The following KNG1 variants were observed in gnomAD, a reference collection of about 807,000 sequenced individuals.
KNG1 encodes kininogen-1.
KNG1 carries 23 observed loss-of-function variants against 47.8 expected under a neutral mutation model. The observed-to-expected ratio is 0.48, with a 90% CI of 0.35 to 0.68. The LOEUF (loss-of-function observed/expected upper bound fraction) is 0.68, where lower values mean the gene tolerates loss of function less well. Ranked by LOEUF, KNG1 falls within the 30% of genes least tolerant of loss-of-function variation. The probability of loss-of-function intolerance (pLI) is 0.01; values close to 1 mark genes in which losing one functional copy is unlikely to be tolerated. For missense variants in KNG1, 762 were observed against 790.2 expected (o/e 0.96, Z 0.43); for synonymous variants, 277 against 277.0 (o/e 1.00, Z 0.00).
chr3:186,717,481 C>A lies in KNG1; in HGVS notation c.-62C>A. On this transcript the variant is annotated 5_prime_UTR_variant, in exon 1 of 10. Coordinates refer to ENST00000644859, the MANE Select transcript of KNG1 (RefSeq NM_001102416.3). The stretch of plus-strand genomic sequence containing the variant: ...GCTGGAGATTGTCAAATTCAGTATC[C>A]CAGTTGGCTCTTGATTCTTGGTGAA... 1 of 1,199,570 alleles carries A rather than the reference C, an allele frequency of 8.3e-7. No individual in the cohort carries two copies. Among genetic ancestry groups the A allele is most frequent in the Non-Finnish European group, 1.2e-6 (1 of 804,836 alleles). 74.3% of individuals were successfully genotyped at this position (1,199,570 alleles called of 1,614,324 possible).
At chr3:186,736,610 T>A (rs1270103423) in intron 7 of KNG1, 1 of 152,276 alleles carries the variant, frequency 6.6e-6, no homozygotes, top group Non-Finnish European at 1.5e-5. Context: ...ACTTCCAAGA[T>A]CTGTGTGTGC....
intron 7 of KNG1, 120 bp from the exon 8 acceptor site, chr3:186,738,979 A>G (rs1238076707): frequency 3.7e-6 from 3 of 821,036 alleles, no homozygotes; most frequent in Non-Finnish European, 6.1e-6. Flanking sequence ...ACTTTTTTGT[A>G]TGTAACTCTC....
chr3:186,727,242 G>A lies in KNG1; in HGVS notation c.570G>A (p.Val190=), dbSNP rs1720399302. 4 of 1,608,344 alleles carry A rather than the reference G, an allele frequency of 2.5e-6. No individual in the cohort carries two copies. Among genetic ancestry groups the A allele is most frequent in the Non-Finnish European group, 3.4e-6 (4 of 1,174,744 alleles). ...TCAATCTGAAATTGTTTCAGGTGGT[G>A]GCTGGATTGAACTTTCGAATTACCT... The part of the protein sequence containing the change: ...NEVKRAQRQV[V]AGLNFRITYS... The change falls in exon 5 of 10, where the codon GTG becomes GTA. Residue 190 remains valine (V), a synonymous_variant. Coordinates refer to ENST00000644859, the MANE Select transcript of KNG1 (RefSeq NM_001102416.3).
At chr3:186,740,569 T>C (rs1432616562) in intron 9 of KNG1, among the ~76,000 whole-genome samples, 1 of 152,202 alleles carries the variant, frequency 6.6e-6, no homozygotes. Flanking sequence ...AGCAAAAGTG[T>C]AGGTAGAATT....
rs1720856249 is a variant in KNG1 at position 186,743,053 on chromosome 3, A to C, written c.*722A>C. ...ATAAATACTCCCACTGCCCTTTCTG[A>C]GTGAGAGTGTTTCTCATAAGTCAAA... On this transcript the variant is annotated 3_prime_UTR_variant, in exon 10 of 10. Transcript: ENST00000644859. 1.5e-6 allele frequency: 1 copy of C among 652,398 alleles called. No individual in the cohort carries two copies. The highest frequency in any genetic ancestry group is 6.8e-5 in the South Asian group (1 of 14,810). 40.4% of individuals were successfully genotyped at this position (652,398 alleles called of 1,614,324 possible).
intron 6 of KNG1, 142 bp downstream of exon 6, chr3:186,731,771 G>T (rs561948548): frequency 8.2e-5 from 57 of 695,324 alleles, no homozygotes; most frequent in African/African-American, 7.4e-4. Context: ...TGCACCCCTT[G>T]ATGAGAACAC....
chr3:186,737,292 T>G (rs1031058172), intron 7 of KNG1, among the ~76,000 whole-genome samples: 17 of 152,226 alleles, frequency 1.1e-4, no homozygotes, highest in Non-Finnish European at 1.5e-5. Flanking sequence ...CTGAAATACC[T>G]GCTCATGGCT....
At chr3:186,725,341 CTGG>C (rs1720329440) in intron 4 of KNG1, 81 bp downstream of exon 4, 8 of 1,389,554 alleles carry the variant, frequency 5.8e-6, no homozygotes, top group Non-Finnish European at 8.2e-6. Context: ...GATTGCATGG[CTGG>C]TGGTGTTTTC....
In KNG1 at chr3:186,743,922, A is replaced by G; in HGVS notation, c.*1591A>G. 1.4e-6 allele frequency: 1 copy of G among 725,134 alleles called. No homozygotes were observed. The highest frequency in any genetic ancestry group is 2.7e-5 in the East Asian group (1 of 37,086). The allele number at this position is 725,134 out of a possible 1,614,324, so 44.9% of individuals were successfully genotyped here. On this transcript the variant is annotated 3_prime_UTR_variant, in exon 10 of 10. Transcript: ENST00000644859. ...CATTTTATCACTCTGCCTCTGGGTG[A>G]AATAAAGATCAGTCTTGATGTTCTA...
intron 2 of KNG1, chr3:186,720,526 A>C: frequency 3.7e-6 from 1 of 272,644 alleles, no homozygotes; most frequent in Non-Finnish European, 7.2e-6. Context: ...AGAGCTGGCG[A>C]GGGGAGGGGG....
At chr3:186,739,480 C>T in intron 9 of KNG1, 66 bp downstream of exon 9, 1 of 1,085,098 alleles carries the variant, frequency 9.2e-7, no homozygotes, top group Non-Finnish European at 1.4e-6. Flanking sequence ...TATTTGGGGG[C>T]TGAAAATGAA....
At chr3:186,729,074 A>T (rs1720445455) in intron 5 of KNG1, 1 of 152,244 alleles carries the variant, frequency 6.6e-6, no homozygotes, top group Non-Finnish European at 1.5e-5. Flanking sequence ...GAGAGTAAAA[A>T]TACAACCCAC....
intron 7 of KNG1, among the ~76,000 whole-genome samples, chr3:186,738,079 A>G (rs573318748): frequency 1.3e-5 from 2 of 152,148 alleles, no homozygotes; most frequent in Admixed American, 1.3e-4. Flanking sequence ...GGGTTCAGGT[A>G]ACTCCCCTGC....
intron 9 of KNG1, among the ~76,000 whole-genome samples, chr3:186,739,790 G>T (rs911412230): frequency 1.3e-5 from 2 of 152,304 alleles, no homozygotes; most frequent in South Asian, 2.1e-4. Context: ...GGTGGCTCAC[G>T]CCTGTTATCC....
chr3:186,726,367 T>C (rs551949846), intron 4 of KNG1, among the ~76,000 whole-genome samples: 2 of 150,432 alleles, frequency 1.3e-5, no homozygotes, highest in South Asian at 2.1e-4. Flanking sequence ...CTTGGTTCAC[T>C]GCAACTTCCA....
chr3:186,743,894 T>G lies in KNG1; in HGVS notation c.*1563T>G. The G allele has an allele frequency of 2.6e-6, 2 of 782,532 alleles. No individual in the cohort carries two copies. Among genetic ancestry groups the G allele is most frequent in the Non-Finnish European group, 4.5e-6 (2 of 440,572 alleles). 48.5% of individuals were successfully genotyped at this position (782,532 alleles called of 1,614,324 possible). A position where few individuals can be genotyped will look rare whatever the true frequency, so the allele number is the denominator to read the frequency against. On this transcript the variant is annotated 3_prime_UTR_variant, in exon 10 of 10. Coordinates refer to ENST00000644859, the MANE Select transcript of KNG1 (RefSeq NM_001102416.3). ...GGGATAGAATTTAAATAGAGAAGAA[T>G]GCCATTTTATCACTCTGCCTCTGGG... is the stretch of plus-strand genomic sequence containing the variant.
intron 1 of KNG1, among the ~76,000 whole-genome samples, chr3:186,719,267 T>C (rs1303610685): frequency 1.3e-5 from 2 of 152,102 alleles, no homozygotes; most frequent in Admixed American, 6.5e-5. Flanking sequence ...TATATCTCAA[T>C]AAAGCTGTTT....
Position 186,742,059 on chromosome 3 carries a change from G to GGT in KNG1, c.1666_1667dup (p.Thr557Ter), listed in dbSNP as rs1720829174. 1 of 1,613,822 alleles carries GGT rather than the reference G, an allele frequency of 6.2e-7. No homozygotes were observed. Among genetic ancestry groups the GGT allele is most frequent in the African/African-American group, 1.3e-5 (1 of 74,906 alleles). ...ACCCATCCCTTCCCTAGCCAAGCCA[G>GGT]GTGTAACAGTTACCTTTTCTGACTT... is the stretch of plus-strand genomic sequence containing the variant. On this transcript the variant is annotated frameshift_variant, in exon 10 of 10. Coordinates refer to ENST00000644859, the MANE Select transcript of KNG1 (RefSeq NM_001102416.3). LOFTEE classifies it low-confidence loss of function (END_TRUNC).
At position 186,737,330 on chromosome 3, in the gene KNG1, T is replaced by C. The variant is rs710447; in HGVS notation, c.931-1769T>C. On this transcript the variant is annotated intron_variant, in intron 7 of 9. Coordinates refer to ENST00000644859, the MANE Select transcript of KNG1 (RefSeq NM_001102416.3). ...TGTCCATTTTTAGTGTTGGGCTTTA[T>C]ATTCATACAGACATTGATTCTATAT... Among the ~76,000 whole-genome samples the C allele has an allele frequency of 7.1e-3, 1,076 of 152,288 alleles. 3 individuals are homozygous for C. Among genetic ancestry groups the C allele is most frequent in the African/African-American group, 0.024 (978 of 41,552 alleles).
Sources: gnomAD v4.1 joint callset for allele counts (sites outside exome capture counted in the v4.1 genomes callset) on GRCh38, gnomAD v4.1.1 for gene constraint, MANE v1.5 for transcripts, NCBI Gene and HGNC (gene_info 2026-07-23, HGNC 2026-07-21) for gene names.